The following ARL9 variants were observed in gnomAD, a reference collection of about 807,000 sequenced individuals.
The protein encoded by ARL9 is ARF like GTPase 9, also known as ADP-ribosylation factor-like protein 9.
In ARL9, 14 loss-of-function variants were observed where a neutral mutation model predicts 27.0. The ratio of observed to expected loss-of-function variants is 0.52; its 90% CI spans 0.34 to 0.81. ARL9 has a LOEUF of 0.81. ARL9 is among the 30% of genes least tolerant of loss of function. The pLI is 0.01. For synonymous variants in ARL9, 106 were observed against 108.7 expected, an observed-to-expected ratio of 0.98 and a Z score of 0.15; for missense variants, 294 against 290.0, an observed-to-expected ratio of 1.01 and a Z score of -0.10.
At chr4:56,512,114 C>G (rs149897079) in intron 2 of ARL9, among the ~76,000 whole-genome samples, 1 of 152,194 alleles carries the variant, frequency 6.6e-6, no homozygotes, top group Admixed American at 6.5e-5. Context: ...CTATCTCCAA[C>G]GCATCTCTCA....
chr4:56,518,226 A>C (rs1721818977), intron 2 of ARL9, among the ~76,000 whole-genome samples: 1 of 152,086 alleles, frequency 6.6e-6, no homozygotes, highest in Admixed American at 6.6e-5. Flanking sequence ...TTGTAGAGAC[A>C]GGGCCTCACC....
intron 2 of ARL9, 40 bp from the exon 3 acceptor site, chr4:56,518,638 T>A (rs1405224800): frequency 6.4e-7 from 1 of 1,569,194 alleles, no homozygotes; most frequent in South Asian, 1.2e-5. Flanking sequence ...CTTCTGTGAT[T>A]TTGTGTGTGT....
chr4:56,518,370 A>G (rs1396292118), intron 2 of ARL9, among the ~76,000 whole-genome samples: 5 of 152,170 alleles, frequency 3.3e-5, no homozygotes, highest in Non-Finnish European at 7.3e-5. Flanking sequence ...ACTGATAAAC[A>G]TGCAGTGGCT....
intron 3 of ARL9, 60 bp downstream of exon 3, chr4:56,518,913 C>A (rs559637841): frequency 1.4e-6 from 2 of 1,432,164 alleles, no homozygotes; most frequent in South Asian, 2.6e-5. Context: ...GAAATGTATA[C>A]TTTTAATACC....
intron 2 of ARL9, among the ~76,000 whole-genome samples, chr4:56,515,880 G>A (rs1185080848): frequency 1.3e-5 from 2 of 152,030 alleles, no homozygotes; most frequent in African/African-American, 2.4e-5. Context: ...CCAAATTGAC[G>A]TTTAGATACA....
intron 2 of ARL9, among the ~76,000 whole-genome samples, chr4:56,516,138 C>T (rs911660928): frequency 6.6e-6 from 1 of 152,124 alleles, no homozygotes; most frequent in African/African-American, 2.4e-5. Flanking sequence ...ACTGGGGAAA[C>T]TATTCAATAA....
upstream of ARL9, chr4:56,505,553 C>T (rs778369700): frequency 1.2e-5 from 7 of 565,124 alleles, no homozygotes; most frequent in South Asian, 9.4e-5. Flanking sequence ...TGATATACCC[C>T]GCCGAACTGT....
Position 56,523,848 on chromosome 4 carries a change from T to C in ARL9, c.770T>C (p.Ile257Thr), listed in dbSNP as rs752852658. Residue 257 changes from isoleucine (I) to threonine (T), a missense_variant, in exon 4 of 4, where the codon ATT (isoleucine) becomes ACT (threonine). By Grantham distance (89) the Ile-to-Thr change is moderately conservative. Transcript: ENST00000640821. ...ACCATGCAAGATGCCAAAGACTTGATTGCACAGCTGGCTGCAGATGTGCAG... is the reference window on the plus strand; with the variant it reads ...ACCATGCAAGATGCCAAAGACTTGACTGCACAGCTGGCTGCAGATGTGCAG... ...PSTMQDAKDL[I>T]AQLAADVQ The C allele has an allele frequency of 1.7e-5, 27 of 1,613,850 alleles. No homozygotes were observed. The highest frequency in any genetic ancestry group is 2.3e-5 in the Non-Finnish European group (27 of 1,179,866).
rs188395236 is a variant in ARL9 at position 56,523,414 on chromosome 4, T to G, written c.619-283T>G. 1.4e-3 allele frequency among the ~76,000 whole-genome samples: 214 copies of G among 152,212 alleles called. 3 individuals carry two copies. Among genetic ancestry groups the G allele is most frequent in the Non-Finnish European group, 1.0e-3 (70 of 67,998 alleles). ...TAAACAAACAACAAACAAACAAAAT[T>G]AGAAACAGATTGACTGCACCGTTTA... On this transcript the variant is annotated intron_variant, in intron 3 of 3. Coordinates refer to ENST00000640821, the MANE Select transcript of ARL9 (RefSeq NM_001363794.2).
intron 2 of ARL9, among the ~76,000 whole-genome samples, chr4:56,516,301 G>T (rs1338063072): frequency 6.6e-6 from 1 of 152,080 alleles, no homozygotes; most frequent in Non-Finnish European, 1.5e-5. Context: ...GATAGAGAAA[G>T]ATTTTTTAAA....
At chr4:56,509,701 ATTTTTTTTTT>A (rs766835732) in intron 1 of ARL9, among the ~76,000 whole-genome samples, 1 of 98,314 alleles carries the variant, frequency 1.0e-5, no homozygotes, top group Non-Finnish European at 1.9e-5. Flanking sequence ...CACTGGGCTA[ATTTTTTTTTT>A]TTTTTTTTTT....
At chr4:56,513,919 C>T (rs561374223) in intron 2 of ARL9, among the ~76,000 whole-genome samples, 1 of 152,262 alleles carries the variant, frequency 6.6e-6, no homozygotes, top group South Asian at 2.1e-4. Context: ...CCTGTAATCC[C>T]AGCACTTTGA....
In ARL9 at chr4:56,516,936, A is replaced by T. The variant is rs183351172; in HGVS notation, c.443-1742A>T. On this transcript the variant is annotated intron_variant, in intron 2 of 3. Coordinates refer to ENST00000640821, the MANE Select transcript of ARL9 (RefSeq NM_001363794.2). Reference sequence around the variant, plus strand: ...AGAGCACAACCTTGTCTCAAGGAAAAAATAAAATAAAAATAAAAAGAGGAT... The same window carrying T: ...AGAGCACAACCTTGTCTCAAGGAAATAATAAAATAAAAATAAAAAGAGGAT... Among the ~76,000 whole-genome samples the T allele has an allele frequency of 7.2e-3, 1,090 of 152,312 alleles. 18 individuals are homozygous for T. The highest frequency in any genetic ancestry group is 0.025 in the African/African-American group (1,043 of 41,556).
chr4:56,505,937 G>A lies in ARL9; in HGVS notation c.75G>A (p.Arg25=), dbSNP rs1721444502. ...AGGAGAAAATCGGAGAAAAGGGTAG[G>A]GAAGAGAAAGTGAAAAGAAAGGAGG... ...TQEEKIGEKG[R]EEKVKRKEVE... Residue 25 remains arginine, a synonymous_variant, in exon 1 of 4, where the codon AGG becomes AGA. Coordinates refer to ENST00000640821, the MANE Select transcript of ARL9 (RefSeq NM_001363794.2). 4.1e-6 allele frequency: 5 copies of A among 1,231,608 alleles called. No homozygotes were observed. 76.3% of individuals were successfully genotyped at this position (1,231,608 alleles called of 1,614,324 possible).
intron 1 of ARL9, 61 bp downstream of exon 1, chr4:56,506,202 A>C (rs898192856): frequency 1.6e-6 from 2 of 1,231,434 alleles, no homozygotes; most frequent in African/African-American, 3.1e-5. Flanking sequence ...TTCAGACCCC[A>C]GCGCTGTCTC....
chr4:56,515,715 T>G (rs1721749487), intron 2 of ARL9, among the ~76,000 whole-genome samples: 1 of 152,172 alleles, frequency 6.6e-6, no homozygotes, highest in South Asian at 2.1e-4. Context: ...GTAGCCATTT[T>G]CAATAGCAAC....
chr4:56,506,616 C>T (rs1352839481), intron 1 of ARL9: 4 of 985,260 alleles, frequency 4.1e-6, no homozygotes, highest in African/African-American at 1.7e-5. Flanking sequence ...CAGTTGTTTT[C>T]AGACCACCAG....
chr4:56,522,848 G>A (rs959380574), intron 3 of ARL9, among the ~76,000 whole-genome samples: 1 of 151,932 alleles, frequency 6.6e-6, no homozygotes, highest in Non-Finnish European at 1.5e-5. Flanking sequence ...CCCACTGCAC[G>A]TTGTCTGAAT....
chr4:56,518,287 T>C (rs910709419), intron 2 of ARL9, among the ~76,000 whole-genome samples: 4 of 152,170 alleles, frequency 2.6e-5, no homozygotes, highest in African/African-American at 9.7e-5. Flanking sequence ...TCCTCCTGCC[T>C]CAGCCTCCCA....
Sources: gnomAD v4.1 joint callset for allele counts (sites outside exome capture counted in the v4.1 genomes callset) on GRCh38, gnomAD v4.1.1 for gene constraint, MANE v1.5 for transcripts, NCBI Gene and HGNC (gene_info 2026-07-23, HGNC 2026-07-21) for gene names.